The following SLC4A10 variants were observed in gnomAD, a reference collection of about 807,000 sequenced individuals.
The protein encoded by SLC4A10 is solute carrier family 4 member 10, also known as sodium-driven chloride bicarbonate exchanger.
A neutral mutation model predicts 137.7 loss-of-function variants in SLC4A10; 42 were observed. The observed-to-expected ratio is 0.30, with a 90% CI of 0.24 to 0.39. SLC4A10 has a LOEUF of 0.39. SLC4A10 is among the 10% of genes least tolerant of loss of function. The pLI, the probability that SLC4A10 is intolerant of heterozygous loss-of-function variation, is 1.00. For synonymous variants in SLC4A10, 474 were observed against 464.1 expected, an observed-to-expected ratio of 1.02 and a Z score of -0.27; for missense variants, 925 against 1,355.0, an observed-to-expected ratio of 0.68 and a Z score of 4.98.
intron 1 of SLC4A10, among the ~76,000 whole-genome samples, chr2:161,718,444 A>G (rs2045213576): frequency 6.6e-6 from 1 of 152,160 alleles, no homozygotes; most frequent in South Asian, 2.1e-4. Flanking sequence ...ATTTAGTGCT[A>G]TAAATTTCCC....
chr2:161,938,527 C>T (rs1042950138), intron 15 of SLC4A10, among the ~76,000 whole-genome samples: 14 of 150,680 alleles, frequency 9.3e-5, no homozygotes, highest in African/African-American at 1.5e-4. Context: ...ACATTATTAT[C>T]GATAATAATC....
At chr2:161,695,598 A>G (rs901092287) in intron 1 of SLC4A10, among the ~76,000 whole-genome samples, 1 of 152,242 alleles carries the variant, frequency 6.6e-6, no homozygotes, top group African/African-American at 2.4e-5. Flanking sequence ...TAGCATTTAG[A>G]GGCTTCTCAA....
intron 1 of SLC4A10, among the ~76,000 whole-genome samples, chr2:161,701,430 A>T (rs1442038560): frequency 2.0e-5 from 3 of 151,978 alleles, no homozygotes; most frequent in Non-Finnish European, 4.4e-5. Context: ...TTCATTTAAC[A>T]TTTAAAAATA....
At chr2:161,671,769 T>G (rs2039750596) in intron 1 of SLC4A10, among the ~76,000 whole-genome samples, 4 of 152,198 alleles carry the variant, frequency 2.6e-5, no homozygotes, top group South Asian at 4.1e-4. Context: ...TTTGGGAAAT[T>G]TATAGCTTTT....
chr2:161,974,683 T>A (rs1699100825), intron 24 of SLC4A10, among the ~76,000 whole-genome samples: 1 of 152,180 alleles, frequency 6.6e-6, no homozygotes, highest in Non-Finnish European at 1.5e-5. Context: ...AGGTAAATGT[T>A]TTAACTCTGG....
chr2:161,848,637 A>G (rs2059637754), intron 4 of SLC4A10, among the ~76,000 whole-genome samples: 1 of 152,060 alleles, frequency 6.6e-6, no homozygotes, highest in Non-Finnish European at 1.5e-5. Context: ...TTGAGTAGGG[A>G]GTCCTTTCCT....
chr2:161,740,023 G>T (rs2047724166), intron 1 of SLC4A10, among the ~76,000 whole-genome samples: 1 of 152,152 alleles, frequency 6.6e-6, no homozygotes, highest in African/African-American at 2.4e-5. Flanking sequence ...CAGGCCATTG[G>T]CTACTGCCCA....
intron 19 of SLC4A10, among the ~76,000 whole-genome samples, chr2:161,954,318 TCCTCTTGGCTGG>T (rs1290157269): frequency 2.0e-5 from 3 of 152,204 alleles, no homozygotes; most frequent in Admixed American, 6.5e-5. Flanking sequence ...TATCAGATGG[TCCTCTTGGCTGG>T]CCTCTTGTCT....
rs551500260 is a variant in SLC4A10 at position 161,932,766 on chromosome 2, C to T, written c.1998-10026C>T. Among the ~76,000 whole-genome samples, 27 of 152,210 alleles carry T rather than the reference C, an allele frequency of 1.8e-4. No homozygotes were observed. The South Asian group carries it at 5.4e-3, about 30-fold the overall frequency. ...TCTTTACTACTGTAGGGAGTTTGAT[C>T]CACTGACTCTTTTCAAAAGACCTCT... On this transcript the variant is annotated intron_variant, in intron 15 of 26. Transcript: ENST00000446997.
intron 15 of SLC4A10, among the ~76,000 whole-genome samples, chr2:161,938,597 A>G (rs187583809): frequency 5.9e-4 from 90 of 151,778 alleles, no homozygotes; most frequent in African/African-American, 2.1e-3. Flanking sequence ...TGCTGTTGAA[A>G]ATAATCCAAA....
chr2:161,902,778 A>C (rs546780482), intron 12 of SLC4A10, among the ~76,000 whole-genome samples: 1 of 152,200 alleles, frequency 6.6e-6, no homozygotes, highest in Non-Finnish European at 1.5e-5. Context: ...TAATATGTAC[A>C]TCTTTTATTT....
At chr2:161,948,722 A>G (rs888145210) in intron 17 of SLC4A10, among the ~76,000 whole-genome samples, 3 of 152,104 alleles carry the variant, frequency 2.0e-5, no homozygotes, top group African/African-American at 4.8e-5. Context: ...TTTGATAAGA[A>G]CAGATAATTT....
At chr2:161,721,075 C>A (rs918835423) in intron 1 of SLC4A10, among the ~76,000 whole-genome samples, 5 of 152,148 alleles carry the variant, frequency 3.3e-5, no homozygotes, top group Non-Finnish European at 5.9e-5. Flanking sequence ...GTGATCCACC[C>A]ACCTCGGCCT....
intron 1 of SLC4A10, among the ~76,000 whole-genome samples, chr2:161,664,076 T>C (rs533863259): frequency 6.6e-6 from 1 of 152,144 alleles, no homozygotes; most frequent in Non-Finnish European, 1.5e-5. Context: ...ATTTAGGGAA[T>C]ATTTTTAATA....
At chr2:161,752,111 T>C (rs563393115) in intron 1 of SLC4A10, among the ~76,000 whole-genome samples, 29 of 152,098 alleles carry the variant, frequency 1.9e-4, no homozygotes, top group African/African-American at 6.7e-4. Context: ...CTGATTCTAA[T>C]TGTTTATCTT....
At chr2:161,865,604 T>G (rs772603267) in intron 6 of SLC4A10, among the ~76,000 whole-genome samples, 1 of 152,064 alleles carries the variant, frequency 6.6e-6, no homozygotes, top group Non-Finnish European at 1.5e-5. Flanking sequence ...TCTGTTTTGC[T>G]TCCTCACACA....
At chr2:161,830,227 C>T (rs1211536773) in intron 3 of SLC4A10, among the ~76,000 whole-genome samples, 1 of 151,178 alleles carries the variant, frequency 6.6e-6, no homozygotes, top group African/African-American at 2.4e-5. Flanking sequence ...ATATGTTTCC[C>T]TATATTTTAA....
chr2:161,865,907 G>A (rs934575283), intron 6 of SLC4A10, among the ~76,000 whole-genome samples: 1 of 151,774 alleles, frequency 6.6e-6, no homozygotes, highest in African/African-American at 2.4e-5. Flanking sequence ...AAAAGTAAAG[G>A]TAATACTATT....
intron 15 of SLC4A10, among the ~76,000 whole-genome samples, chr2:161,921,872 A>G (rs1001442530): frequency 2.6e-5 from 4 of 152,220 alleles, no homozygotes; most frequent in African/African-American, 9.6e-5. Flanking sequence ...AAAGGTAGGG[A>G]CTACGATATA....
Sources: allele counts gnomAD v4.1 joint callset (sites outside exome capture counted in the v4.1 genomes callset), GRCh38; gene constraint gnomAD v4.1.1; transcripts MANE v1.5; gene names NCBI Gene and HGNC (gene_info 2026-07-23, HGNC 2026-07-21).